LEF1: variants seen among roughly 807,000 people sequenced by gnomAD.
LEF1 encodes the protein lymphoid enhancer-binding factor 1.
Under a neutral mutation model 51.2 loss-of-function variants are expected in LEF1, and 14 were observed. The observed-to-expected ratio is 0.27, with a 90% CI of 0.18 to 0.43. The LOEUF (loss-of-function observed/expected upper bound fraction) is 0.43. Ranked by LOEUF, LEF1 falls within the 20% of genes least tolerant of loss-of-function variation. The pLI is 1.00. For missense variants in LEF1, 386 were observed against 512.0 expected (o/e 0.75, Z 2.37); for synonymous variants, 185 against 183.2 (o/e 1.01, Z -0.08).
chr4:108,155,324 C>T (rs768521853), intron 3 of LEF1, among the ~76,000 whole-genome samples: 6 of 152,104 alleles, frequency 3.9e-5, no homozygotes, highest in Non-Finnish European at 5.9e-5. Flanking sequence ...TGGTGGATTA[C>T]GGTGCTAAAG....
At chr4:108,073,738 C>T (rs548301127) in intron 8 of LEF1, among the ~76,000 whole-genome samples, 4 of 151,818 alleles carry the variant, frequency 2.6e-5, no homozygotes, top group African/African-American at 7.2e-5. Flanking sequence ...CCCAAGCTAA[C>T]GAAACTGAAT....
intron 3 of LEF1, among the ~76,000 whole-genome samples, chr4:108,132,873 G>A (rs1742990909): frequency 1.3e-5 from 2 of 151,662 alleles, no homozygotes; most frequent in African/African-American, 4.8e-5. Context: ...GTTTCCCCAT[G>A]TTGCCCAGGC....
intron 9 of LEF1, among the ~76,000 whole-genome samples, chr4:108,067,623 G>A (rs191805772): frequency 3.3e-5 from 5 of 151,422 alleles, no homozygotes; most frequent in Admixed American, 1.3e-4. Context: ...TCTTCCTCTC[G>A]GGTTCAAGCA....
chr4:108,103,595 G>T (rs1383616078), intron 3 of LEF1, among the ~76,000 whole-genome samples: 2 of 152,118 alleles, frequency 1.3e-5, no homozygotes, highest in African/African-American at 2.4e-5. Context: ...CCGGAATTTG[G>T]ATATATCTAT....
intron 3 of LEF1, among the ~76,000 whole-genome samples, chr4:108,161,809 A>C (rs1343915474): frequency 1.3e-5 from 2 of 152,138 alleles, no homozygotes; most frequent in Non-Finnish European, 2.9e-5. Flanking sequence ...GAAAAACGTA[A>C]GGCTGTTTTG....
At chr4:108,165,386 AAAT>A (rs746896846) in intron 1 of LEF1, 12 of 510,368 alleles carry the variant, frequency 2.4e-5, no homozygotes, top group Admixed American at 3.5e-5. Flanking sequence ...AAAAACGTAT[AAAT>A]AATAACAAAA....
chr4:108,105,923 C>T (rs776638225), intron 3 of LEF1, among the ~76,000 whole-genome samples: 1 of 152,176 alleles, frequency 6.6e-6, no homozygotes, highest in East Asian at 1.9e-4. Context: ...GGAGCCTAAG[C>T]GTTCAATAAA....
chr4:108,054,185 T>C (rs75380935), intron 11 of LEF1, among the ~76,000 whole-genome samples: 6,398 of 152,258 alleles, frequency 0.042, 166 homozygotes, highest in Non-Finnish European at 0.062. Flanking sequence ...CCTGGAAATC[T>C]CGGGCATGCA....
In LEF1 at chr4:108,149,540, A is replaced by T. The variant is rs555558437; in HGVS notation, c.414+14028T>A. Among the ~76,000 whole-genome samples, 76 of 151,074 alleles carry T rather than the reference A, an allele frequency of 5.0e-4. 1 individual carries two copies. The highest frequency in any genetic ancestry group is 1.8e-3 in the African/African-American group (74 of 41,302). ...TGGTATTTAAAATAACAACAAAAAA[A>T]CTTTAACATCCATAACTGAGGATAA... On this transcript the variant is annotated intron_variant, in intron 3 of 11. Coordinates refer to ENST00000265165, the MANE Select transcript of LEF1 (RefSeq NM_016269.5).
At chr4:108,069,969 A>G (rs1309044492) in intron 9 of LEF1, among the ~76,000 whole-genome samples, 4 of 152,030 alleles carry the variant, frequency 2.6e-5, no homozygotes, top group Admixed American at 1.3e-4. Context: ...AAAAAAAAAA[A>G]AAACGCAAAA....
chr4:108,061,989 G>A (rs896438561), intron 11 of LEF1, among the ~76,000 whole-genome samples: 7 of 152,184 alleles, frequency 4.6e-5, no homozygotes, highest in Non-Finnish European at 7.3e-5. Context: ...ACAGAGGAGA[G>A]GGCAATTGAC....
chr4:108,072,418 A>G (rs1290877087), intron 8 of LEF1, among the ~76,000 whole-genome samples: 2 of 152,248 alleles, frequency 1.3e-5, no homozygotes, highest in African/African-American at 4.8e-5. Flanking sequence ...TCCAACCACC[A>G]GTGCGAGAAG....
intron 3 of LEF1, among the ~76,000 whole-genome samples, chr4:108,134,492 GCAGGCTACAGCACTGGCA>G (rs1743123240): frequency 6.6e-6 from 1 of 152,222 alleles, no homozygotes; most frequent in Non-Finnish European, 1.5e-5. Flanking sequence ...CACTGGAGGA[GCAGGCTACAGCACTGGCA>G]CTCCATCCTA....
rs747979334 is a variant in LEF1 at position 108,167,723 on chromosome 4, C to G, written c.45G>C (p.Pro15=). The change falls in exon 1 of 12, where the codon CCG becomes CCC. Residue 15 remains proline (P), a synonymous_variant. Coordinates refer to ENST00000265165, the MANE Select transcript of LEF1 (RefSeq NM_016269.5). The surrounding 1 kb of genome is among the most constrained non-coding windows in gnomAD (Gnocchi z 5.7). ...TCATCTCGTCCGTGGCGCAGAGTTC[C>G]GGGTCCCCCCCGCCGCCGCCACCTC... ...SGGGGGGGGD[P]ELCATDEMIP... is the part of the protein sequence containing the mutation. 9.3e-6 allele frequency: 15 copies of G among 1,613,830 alleles called. No homozygotes were observed. The highest frequency in any genetic ancestry group is 1.3e-5 in the Non-Finnish European group (15 of 1,180,032).
rs573606188 is a variant in LEF1, at chr4:108,047,684, C to T, written c.*1074G>A. ...GCCTTGCTTTTTTAAAAAATGGGTA[C>T]ATCAATGCTCATTTTAACAACTGGC... On this transcript the variant is annotated 3_prime_UTR_variant, in exon 12 of 12. Coordinates refer to ENST00000265165, the MANE Select transcript of LEF1 (RefSeq NM_016269.5). The T allele has an allele frequency of 1.7e-4, 26 of 152,716 alleles. No homozygotes were observed. Among genetic ancestry groups the T allele is most frequent in the Middle Eastern group, 3.4e-3 (1 of 294 alleles). 9.5% of individuals were successfully genotyped at this position (152,716 alleles called of 1,614,324 possible). A position where few individuals can be genotyped will look rare whatever the true frequency, so the allele number is the denominator to read the frequency against.
intron 3 of LEF1, among the ~76,000 whole-genome samples, chr4:108,162,890 A>G (rs1290413410): frequency 6.6e-6 from 1 of 152,236 alleles, no homozygotes; most frequent in African/African-American, 2.4e-5. Context: ...AATATCATCA[A>G]ATAAACCTGA....
chr4:108,151,758 A>G (rs1436911914), intron 3 of LEF1, among the ~76,000 whole-genome samples: 1 of 152,232 alleles, frequency 6.6e-6, no homozygotes, highest in Non-Finnish European at 1.5e-5. Flanking sequence ...ACTAACGTCT[A>G]GTCCATGGAT....
At position 108,157,219 on chromosome 4, in the gene LEF1, CAA is replaced by C. The variant is rs1491116700; in HGVS notation, c.414+6347_414+6348del. Among the ~76,000 whole-genome samples the C allele has an allele frequency of 1.8e-3, 269 of 146,752 alleles. 2 individuals are homozygous for C. The highest frequency in any genetic ancestry group is 6.6e-3 in the African/African-American group (246 of 37,300). On this transcript the variant is annotated intron_variant, in intron 3 of 11. Transcript: ENST00000265165. The stretch of plus-strand genomic sequence containing the variant: ...ACACACACACACACACACACACACA[CAA>C]ACACACATATAGCTCTTTCGCCCAG...
chr4:108,065,793 GT>G (rs1738043152), intron 9 of LEF1, among the ~76,000 whole-genome samples: 1 of 152,138 alleles, frequency 6.6e-6, no homozygotes, highest in South Asian at 2.1e-4. Context: ...TTCCATTTTA[GT>G]TATTTGAAAA....
Sources: allele counts gnomAD v4.1 joint callset (sites outside exome capture counted in the v4.1 genomes callset), GRCh38; gene constraint gnomAD v4.1.1; non-coding constraint Gnocchi (gnomAD v3.1); transcripts MANE v1.5; gene names NCBI Gene and HGNC (gene_info 2026-07-23, HGNC 2026-07-21).